ZNF385D: variants seen among roughly 807,000 people sequenced by gnomAD.
The protein encoded by ZNF385D is zinc finger protein 385D, also known as zinc finger protein 659.
A neutral mutation model predicts 35.8 loss-of-function variants in ZNF385D; 15 were observed. The ratio of observed to expected loss-of-function variants is 0.42; its 90% CI spans 0.28 to 0.64. ZNF385D has a LOEUF of 0.64. Among genes scored for constraint, ZNF385D ranks in the 30% least tolerant of loss-of-function variants. The pLI is 0.23. For synonymous variants in ZNF385D, 212 were observed against 186.8 expected (o/e 1.13, Z -1.10); for missense variants, 474 against 494.6 (o/e 0.96, Z 0.39).
intron 1 of ZNF385D, among the ~76,000 whole-genome samples, chr3:21,680,194 C>T (rs976922020): frequency 2.0e-5 from 3 of 152,058 alleles, no homozygotes; most frequent in African/African-American, 7.2e-5. Flanking sequence ...CTTCTTGGCT[C>T]ACTCGTTCTT....
At chr3:21,691,677 T>A (rs1002772919) in intron 1 of ZNF385D, among the ~76,000 whole-genome samples, 1 of 152,230 alleles carries the variant, frequency 6.6e-6, no homozygotes, top group African/African-American at 2.4e-5. Context: ...TTGTATTCAC[T>A]GATCACATTC....
At chr3:22,094,410 A>ATATATATATATATATATATATAGATATAT (rs1386186822) in intron 3 of ZNF385D, among the ~76,000 whole-genome samples, 1 of 83,426 alleles carries the variant, frequency 1.2e-5, no homozygotes, top group Admixed American at 1.2e-4. Context: ...ATATATATAT[A>ATATATATATATATATATATATAGATATAT]AAGGCATTTG....
intron 3 of ZNF385D, among the ~76,000 whole-genome samples, chr3:21,835,317 T>G (rs572026078): frequency 3.9e-5 from 6 of 152,146 alleles, no homozygotes; most frequent in Admixed American, 3.3e-4. Context: ...ATAGGTACTA[T>G]GCAAGTATGT....
At chr3:21,978,397 T>C (rs1403346255) in intron 3 of ZNF385D, 2 of 152,252 alleles carry the variant, frequency 1.3e-5, no homozygotes, top group Admixed American at 1.3e-4. Context: ...CTACGTGTTT[T>C]GCCTTTGCTT....
At chr3:22,213,543 G>A (rs540533553) in intron 2 of ZNF385D, among the ~76,000 whole-genome samples, 278 of 152,074 alleles carry the variant, frequency 1.8e-3, no homozygotes, top group Non-Finnish European at 2.7e-3. Flanking sequence ...CCAAAGCACA[G>A]GATAAACACT....
intron 3 of ZNF385D, among the ~76,000 whole-genome samples, chr3:22,121,389 C>T (rs777766175): frequency 6.6e-6 from 1 of 152,214 alleles, no homozygotes; most frequent in Non-Finnish European, 1.5e-5. Context: ...ACTCAGCATG[C>T]ATAATCAGCA....
At chr3:21,573,611 G>C (rs1407156547) in intron 2 of ZNF385D, among the ~76,000 whole-genome samples, 1 of 152,018 alleles carries the variant, frequency 6.6e-6, no homozygotes, top group Non-Finnish European at 1.5e-5. Context: ...CCATACAAAA[G>C]TTATAAGAAA....
intron 3 of ZNF385D, among the ~76,000 whole-genome samples, chr3:21,764,940 T>C (rs7619783): frequency 0.21 from 31,779 of 152,062 alleles, 4,383 homozygotes; most frequent in East Asian, 0.74. Context: ...TTCTGTCACA[T>C]TATGGATGCC....
chr3:21,445,994 T>C (rs1371456831), intron 4 of ZNF385D, among the ~76,000 whole-genome samples: 1 of 152,186 alleles, frequency 6.6e-6, no homozygotes, highest in Non-Finnish European at 1.5e-5. Flanking sequence ...TCAAAAAGAA[T>C]CCTATTAGTA....
rs1007088800 is a variant in ZNF385D at position 22,115,135 on chromosome 3, A to G, written c.325+53682T>C. Among the ~76,000 whole-genome samples the G allele has an allele frequency of 4.6e-5, 7 of 152,112 alleles. No individual in the cohort carries two copies. The East Asian group carries it at 1.4e-3, about 29-fold the overall frequency. On this transcript the variant is annotated intron_variant, in intron 3 of 5. Transcript: ENST00000494108. ...GCCCACTGTGTATTCTCCCATGGCC[A>G]GAGAAGTCTTTCAAGCAGACCATTA...
chr3:21,898,029 G>C (rs1575863363), intron 3 of ZNF385D, among the ~76,000 whole-genome samples: 1 of 152,112 alleles, frequency 6.6e-6, no homozygotes, highest in East Asian at 1.9e-4. Context: ...AACATAGAAA[G>C]ATGACTAAAT....
At chr3:21,815,697 C>G (rs2073116749) in intron 3 of ZNF385D, among the ~76,000 whole-genome samples, 1 of 152,234 alleles carries the variant, frequency 6.6e-6, no homozygotes, top group East Asian at 1.9e-4. Context: ...AATAGCCTAC[C>G]AACCAAAACC....
At chr3:22,241,087 G>C (rs1699468110) in intron 2 of ZNF385D, among the ~76,000 whole-genome samples, 1 of 151,172 alleles carries the variant, frequency 6.6e-6, no homozygotes, top group Non-Finnish European at 1.5e-5. Context: ...CAAAGTAGCA[G>C]ATATTCAGTA....
At chr3:21,960,599 G>T (rs2125317401) in intron 3 of ZNF385D, among the ~76,000 whole-genome samples, 2 of 152,068 alleles carry the variant, frequency 1.3e-5, no homozygotes, top group Admixed American at 1.3e-4. Flanking sequence ...TTATTCAAAG[G>T]AAAGGAAATC....
chr3:22,318,679 G>A (rs144649012), intron 2 of ZNF385D, among the ~76,000 whole-genome samples: 41 of 152,154 alleles, frequency 2.7e-4, no homozygotes, highest in Admixed American at 9.2e-4. Flanking sequence ...GATTGAGCAC[G>A]AGGAATACAA....
intron 3 of ZNF385D, among the ~76,000 whole-genome samples, chr3:22,165,149 T>A (rs1706229055): frequency 6.6e-6 from 1 of 152,168 alleles, no homozygotes; most frequent in African/African-American, 2.4e-5. Context: ...TCATGTAAAC[T>A]ATAGACTTTG....
At chr3:22,249,711 A>G (rs555821703) in intron 2 of ZNF385D, among the ~76,000 whole-genome samples, 3 of 152,314 alleles carry the variant, frequency 2.0e-5, no homozygotes, top group African/African-American at 4.8e-5. Flanking sequence ...ACCCTTTCAA[A>G]GCTCTGAGAA....
intron 3 of ZNF385D, among the ~76,000 whole-genome samples, chr3:22,103,214 AT>A (rs34216046): frequency 6.1e-5 from 9 of 147,512 alleles, no homozygotes; most frequent in South Asian, 2.1e-4. Flanking sequence ...CCCTGGGGCC[AT>A]TTTTTTTTTT....
chr3:21,681,672 C>T (rs1252461400), intron 1 of ZNF385D, among the ~76,000 whole-genome samples: 1 of 142,420 alleles, frequency 7.0e-6, no homozygotes, highest in Admixed American at 7.1e-5. Context: ...CTAAAAGAAT[C>T]CAGACTAAGA....
Sources: gnomAD v4.1 joint callset for allele counts (sites outside exome capture counted in the v4.1 genomes callset) on GRCh38, gnomAD v4.1.1 for gene constraint, MANE v1.5 for transcripts, NCBI Gene and HGNC (gene_info 2026-07-23, HGNC 2026-07-21) for gene names.